DAXX: variants seen among roughly 807,000 people sequenced by gnomAD.
The protein encoded by DAXX is death domain-associated protein 6.
Under a neutral mutation model 61.9 loss-of-function variants are expected in DAXX, and 24 were observed. The ratio of observed to expected loss-of-function variants is 0.39; its 90% confidence interval spans 0.28 to 0.55. The LOEUF is 0.55. Among genes scored for constraint, DAXX ranks in the 20% least tolerant of loss-of-function variants. The pLI is 0.69. For missense variants in DAXX, 819 were observed against 935.3 expected (o/e 0.88, Z 1.62); for synonymous variants, 357 against 369.5 (o/e 0.97, Z 0.39).
At position 33,321,062 on chromosome 6, in the gene DAXX, C is replaced by T. The variant is rs2150995389; in HGVS notation, c.713G>A (p.Arg238Gln). 3 of 1,613,830 alleles carry T rather than the reference C, an allele frequency of 1.9e-6. No homozygotes were observed. The highest frequency in any genetic ancestry group is 1.1e-5 in the South Asian group (1 of 91,080). ...AGAGCAGTCTTTCAGCTCACATAGT[C>T]GCCCAAAGAGGCGGATCAGCTTACG... is the stretch of plus-strand genomic sequence containing the variant. The part of the protein sequence containing the change: ...LKRKLIRLFG[R>Q]LCELKDCSSL... The change falls in exon 3 of 8, where the codon CGA (arginine) becomes CAA (glutamine). Residue 238 changes from arginine to glutamine, a missense_variant. Transcript: ENST00000374542. This position sits in a 1 kb window ranked among gnomAD's most constrained non-coding sequence, Gnocchi z 7.2.
rs1435363574 is a variant in DAXX, at chr6:33,321,640, T to C, written c.208-73A>G. On this transcript the variant is annotated intron_variant, in intron 2 of 7. Transcript: ENST00000374542. This position sits in a 1 kb window ranked among gnomAD's most constrained non-coding sequence, Gnocchi z 7.2. ...GGTTGAGAGAAAGGGGAGGTGGGGT[T>C]AGTGGGAAAGAAAGGACAGGAGAAC... 1.9e-6 allele frequency: 3 copies of C among 1,597,934 alleles called. No homozygotes were observed. In the Admixed American group the frequency reaches 5.0e-5, roughly 27 times the overall value.
Position 33,321,559 on chromosome 6 carries a change from T to C in DAXX, c.216A>G (p.Glu72=). The C allele has an allele frequency of 6.2e-7, 1 of 1,612,844 alleles. No homozygotes were observed. Among genetic ancestry groups the C allele is most frequent in the Non-Finnish European group, 8.5e-7 (1 of 1,179,368 alleles). ...GGTCTGCTGTCTGCATCTTACAAAG[T>C]TCAAGGAACTAGAAGGTTCAGGGGA... The part of the protein sequence containing the change: ...ENEKLFEEFL[E]LCKMQTADHP... The change falls in exon 3 of 8, where the codon GAA becomes GAG. Residue 72 remains glutamate, a synonymous_variant. Coordinates refer to ENST00000374542, the MANE Select transcript of DAXX (RefSeq NM_001141969.2). This position sits in a 1 kb window ranked among gnomAD's most constrained non-coding sequence, Gnocchi z 7.2.
rs773164076 is a variant in DAXX at position 33,321,004 on chromosome 6, G to A, written c.771C>T (p.Ile257=). ...CTGGGTAGCGGGTGCCACGGTAGGG[G>A]ATGCGCTGCTCTATGACACGGCCGG... ...SLTGRVIEQR[I]PYRGTRYPEV... Residue 257 remains isoleucine (I), a synonymous_variant, in exon 3 of 8, where the codon ATC becomes ATT. Coordinates refer to ENST00000374542, the MANE Select transcript of DAXX (RefSeq NM_001141969.2). The surrounding 1 kb of genome is among the most constrained non-coding windows in gnomAD (Gnocchi z 7.2). 32 of 1,613,828 alleles carry A rather than the reference G, an allele frequency of 2.0e-5. No homozygotes were observed. The highest frequency in any genetic ancestry group is 5.0e-5 in the Admixed American group (3 of 60,006).
chr6:33,322,052 T>C, intron 1 of DAXX, 75 bp from the exon 2 acceptor site: 1 of 1,072,110 alleles, frequency 9.3e-7, no homozygotes, highest in African/African-American at 1.6e-5. Flanking sequence ...TTTTCTGAAC[T>C]CCTTGGGTTT....
chr6:33,320,298 C>A lies in DAXX; in HGVS notation c.1252-74G>T, dbSNP rs2239839. 406,758 of 1,424,010 alleles carry A rather than the reference C, an allele frequency of 0.29. 62,287 individuals are homozygous for A. Among genetic ancestry groups the A allele is most frequent in the Admixed American group, 0.34 (20,451 of 59,662 alleles). The allele number at this position is 1,424,010 out of a possible 1,614,324, so 88.2% of individuals were successfully genotyped here. A position where few individuals can be genotyped will look rare whatever the true frequency, so the allele number is the denominator to read the frequency against. The stretch of plus-strand genomic sequence containing the variant: ...TGGTTCTTGCTTTCCTTCTCATGCT[C>A]CCCCATCAGTCAACCTGGACTCCCT... On this transcript the variant is annotated intron_variant, in intron 4 of 7. Transcript: ENST00000374542. This position sits in a 1 kb window ranked among gnomAD's most constrained non-coding sequence, Gnocchi z 7.1.
intron 6 of DAXX, 49 bp downstream of exon 6, chr6:33,319,331 C>A (rs533777904): frequency 9.5e-6 from 15 of 1,577,746 alleles, no homozygotes; most frequent in Non-Finnish European, 1.2e-5. Context: ...TCCGAAAGTC[C>A]CCTGCAATCC....
chr6:33,319,092 T>A lies in DAXX; in HGVS notation c.2068A>T (p.Ser690Cys). Residue 690 changes from serine to cysteine, a missense_variant, in exon 7 of 8, where the codon AGC becomes TGC. Coordinates refer to ENST00000374542, the MANE Select transcript of DAXX (RefSeq NM_001141969.2). ...ADSSTRVDSP[S>C]HGLVTSSLCI... is the part of the protein sequence containing the mutation. ...AGGGAGCTGGTCACCAGGCCATGGC[T>A]GGGAGAGTCCACCCTCGTGGAGGAA... 1 of 1,614,122 alleles carries A rather than the reference T, an allele frequency of 6.2e-7. No homozygotes were observed. The highest frequency in any genetic ancestry group is 8.5e-7 in the Non-Finnish European group (1 of 1,180,028).
chr6:33,322,158 G>C (rs2269610), intron 1 of DAXX, 181 bp from the exon 2 acceptor site: 70,033 of 449,692 alleles, frequency 0.16, 8,231 homozygotes, highest in South Asian at 0.28. Context: ...GTGGTGTGGG[G>C]GGGGGGCAAA....
chr6:33,319,643 T>C lies in DAXX; in HGVS notation c.1677A>G (p.Glu559=), dbSNP rs779012166. The change falls in exon 6 of 8, where the codon GAA becomes GAG. Residue 559 remains glutamate, a synonymous_variant. Transcript: ENST00000374542. The part of the protein sequence containing the change: ...GEQPEELTLE[E]ESPVSQLFEL... ...CAAAGAGCTGAGACACAGGGCTTTCTTCCTCCAGGGTCAGCTCCTCAGGCT... is the reference window on the plus strand; with the variant it reads ...CAAAGAGCTGAGACACAGGGCTTTCCTCCTCCAGGGTCAGCTCCTCAGGCT... 12 of 1,613,844 alleles carry C rather than the reference T, an allele frequency of 7.4e-6. 1 individual carries two copies. The Middle Eastern group carries it at 8.2e-4, about 111-fold the overall frequency.
chr6:33,319,469 G>A lies in DAXX; in HGVS notation c.1851C>T (p.Val617=), dbSNP rs1389889457. 2 of 1,613,838 alleles carry A rather than the reference G, an allele frequency of 1.2e-6. No individual in the cohort carries two copies. The highest frequency in any genetic ancestry group is 2.7e-5 in the African/African-American group (2 of 74,926). The change falls in exon 6 of 8, where the codon GTC becomes GTT. Residue 617 remains valine (V), a synonymous_variant. Transcript: ENST00000374542. The part of the protein sequence containing the change: ...MVSSTSFNGG[V]SPHNWGDSGP... ...CAGAATCTCCCCAGTTGTGAGGAGA[G>A]ACGCCTCCATTGAAGGAAGTAGAAG...
rs550192421 is a variant in DAXX at position 33,319,438 on chromosome 6, G to A, written c.1882C>T (p.Pro628Ser). ...TTCTCCTTCCGAGATTTTTTGCAGG[G>A]GGGACCAGAATCTCCCCAGTTGTGA... ...SPHNWGDSGP[P>S]CKKSRKEKKQ... is the part of the protein sequence containing the mutation. Residue 628 changes from proline (P) to serine (S), a missense_variant, in exon 6 of 8, where the codon CCC becomes TCC. Transcript: ENST00000374542. 3 of 1,613,320 alleles carry A rather than the reference G, an allele frequency of 1.9e-6. No homozygotes were observed. The highest frequency in any genetic ancestry group is 2.2e-5 in the East Asian group (1 of 44,884).
chr6:33,322,950 GC>G lies in DAXX; in HGVS notation c.-142del. 4.0e-6 allele frequency: 5 copies of G among 1,253,404 alleles called. No individual in the cohort carries two copies. Among genetic ancestry groups the G allele is most frequent in the African/African-American group, 1.5e-5 (1 of 67,960 alleles). The allele number at this position is 1,253,404 out of a possible 1,614,324, so 77.6% of individuals were successfully genotyped here. On this transcript the variant is annotated 5_prime_UTR_variant, in exon 1 of 8. Coordinates refer to ENST00000374542, the MANE Select transcript of DAXX (RefSeq NM_001141969.2). ...GCCTTCCTTCCCACTCCCACCGCAG[GC>G]CCCACTACGGACCGGAAGTCACAGA...
At position 33,321,484 on chromosome 6, in the gene DAXX, A is replaced by C; in HGVS notation, c.291T>G (p.Ser97=). The C allele has an allele frequency of 1.2e-6, 2 of 1,613,994 alleles. No homozygotes were observed. Among genetic ancestry groups the C allele is most frequent in the Non-Finnish European group, 1.7e-6 (2 of 1,180,000 alleles). The change falls in exon 3 of 8, where the codon TCT becomes TCG. Residue 97 remains serine (S), a synonymous_variant. Coordinates refer to ENST00000374542, the MANE Select transcript of DAXX (RefSeq NM_001141969.2). This position sits in a 1 kb window ranked among gnomAD's most constrained non-coding sequence, Gnocchi z 7.2. ...AGAACTCCGCCGAGGCCAAAAACAG[A>C]GAGTGGGCACGTTGCTGCCGGTTAT... ...FLYNRQQRAH[S]LFLASAEFCN... is the part of the protein sequence containing the mutation.
rs1214445309 is a variant in DAXX, at chr6:33,318,618, T to TTA, written c.*124_*125insTA. ...TTCTGTGTAAAACTTAAGCTTTTTTTTTTTTTTAAAGAAACACCACCAAAA... is the reference window on the plus strand; with the variant it reads ...TTCTGTGTAAAACTTAAGCTTTTTTTTATTTTTTTAAAGAAACACCACCAAAA... On this transcript the variant is annotated 3_prime_UTR_variant, in exon 8 of 8. Coordinates refer to ENST00000374542, the MANE Select transcript of DAXX (RefSeq NM_001141969.2). 1 of 449,568 alleles carries TTA rather than the reference T, an allele frequency of 2.2e-6. No homozygotes were observed. The highest frequency in any genetic ancestry group is 4.0e-6 in the Non-Finnish European group (1 of 248,708). The allele number at this position is 449,568 out of a possible 1,614,324, so 27.8% of individuals were successfully genotyped here.
In DAXX at chr6:33,322,855, C is replaced by T. The variant is rs375599552; in HGVS notation, c.-53+7G>A. On this transcript the variant is annotated splice_region_variant and intron_variant, in intron 1 of 7. Transcript: ENST00000374542. ...CGCCTCTGATCCCCGCACCGTCCGG[C>T]CCCCACCTCAGAAACCGTCTCTCGA... The T allele has an allele frequency of 1.4e-6, 2 of 1,391,312 alleles. No homozygotes were observed. Among genetic ancestry groups the T allele is most frequent in the Non-Finnish European group, 2.0e-6 (2 of 1,020,900 alleles). The allele number at this position is 1,391,312 out of a possible 1,614,324, so 86.2% of individuals were successfully genotyped here. A position where few individuals can be genotyped will look rare whatever the true frequency, so the allele number is the denominator to read the frequency against.
In DAXX at chr6:33,319,685, A is replaced by G. The variant is rs1303583744; in HGVS notation, c.1635T>C (p.Ala545=). 9 of 1,614,220 alleles carry G rather than the reference A, an allele frequency of 5.6e-6. No individual in the cohort carries two copies. The highest frequency in any genetic ancestry group is 7.6e-6 in the Non-Finnish European group (9 of 1,180,040). The change falls in exon 6 of 8, where the codon GCT becomes GCC. Residue 545 remains alanine (A), a synonymous_variant. Transcript: ENST00000374542. ...EEPLAPSSID[A]ESNGEQPEEL... ...CCTCAGGCTGTTCTCCATTGCTTTCAGCATCTATGCTGGAGGGGGCCAGGG... is the reference window on the plus strand; with the variant it reads ...CCTCAGGCTGTTCTCCATTGCTTTCGGCATCTATGCTGGAGGGGGCCAGGG...
chr6:33,320,813 C>T lies in DAXX; in HGVS notation c.962G>A (p.Gly321Asp). The change falls in exon 3 of 8, where the codon GGC (glycine) becomes GAC (aspartate). Residue 321 changes from glycine (G) to aspartate (D), a missense_variant. By Grantham distance (94) the Gly-to-Asp change is moderately conservative. Transcript: ENST00000374542. The surrounding 1 kb of genome is among the most constrained non-coding windows in gnomAD (Gnocchi z 7.1). ...GTGACGTCGCTCCTGTAACCTGATG[C>T]CCACATCTCGGAAGGCATCCTGAGC... ...LMAQDAFRDVGIRLQERRHLD... is the reference protein window; with the variant it reads ...LMAQDAFRDVDIRLQERRHLD... 6.2e-7 allele frequency: 1 copy of T among 1,614,166 alleles called. No individual in the cohort carries two copies. Among genetic ancestry groups the T allele is most frequent in the Non-Finnish European group, 8.5e-7 (1 of 1,180,036 alleles).
rs1403913619 is a variant in DAXX at position 33,321,492 on chromosome 6, C to T, written c.283G>A (p.Ala95Thr). 2 of 1,614,012 alleles carry T rather than the reference C, an allele frequency of 1.2e-6. No individual in the cohort carries two copies. Among genetic ancestry groups the T allele is most frequent in the South Asian group, 1.1e-5 (1 of 91,068 alleles). ...VPFLYNRQQR[A>T]HSLFLASAEF... ...GCCGAGGCCAAAAACAGAGAGTGGG[C>T]ACGTTGCTGCCGGTTATAGAGGAAT... is the stretch of plus-strand genomic sequence containing the variant. Residue 95 changes from alanine to threonine, a missense_variant, in exon 3 of 8, where the codon GCC becomes ACC. Physicochemically the swap from Ala to Thr is moderately conservative, Grantham distance 58 (BLOSUM62 0). Transcript: ENST00000374542. This position sits in a 1 kb window ranked among gnomAD's most constrained non-coding sequence, Gnocchi z 7.2.
At position 33,321,618 on chromosome 6, in the gene DAXX, TGAGA is replaced by T. The variant is rs1459149803; in HGVS notation, c.208-55_208-52del. ...GGGGAAGAGAGACAAGGGAGGGGGT[TGAGA>T]GAAAGGGGAGGTGGGGTTAGTGGGA... On this transcript the variant is annotated intron_variant, in intron 2 of 7. Transcript: ENST00000374542. The surrounding 1 kb of genome is among the most constrained non-coding windows in gnomAD (Gnocchi z 7.2). The T allele has an allele frequency of 6.9e-6, 11 of 1,593,918 alleles. No homozygotes were observed. Among genetic ancestry groups the T allele is most frequent in the African/African-American group, 6.8e-5 (5 of 73,116 alleles).
Sources: allele counts gnomAD v4.1 joint callset, GRCh38; gene constraint gnomAD v4.1.1; non-coding constraint Gnocchi (gnomAD v3.1); transcripts MANE v1.5; gene names NCBI Gene and HGNC (gene_info 2026-07-23, HGNC 2026-07-21).